Variants in KMT5B observed in about 807,000 individuals in gnomAD.
KMT5B encodes the protein lysine methyltransferase 5B, also known as histone-lysine N-methyltransferase KMT5B.
KMT5B carries 10 observed loss-of-function variants against 83.2 expected under a neutral mutation model. That is an observed-to-expected ratio of 0.12 (90% CI 0.07 to 0.20). The LOEUF is 0.20. KMT5B is among the 10% of genes least tolerant of loss of function. KMT5B has a pLI of 1.00. For missense variants in KMT5B, 753 were observed against 1,067.2 expected, an observed-to-expected ratio of 0.71 and a Z score of 4.10; for synonymous variants, 349 against 388.8, an observed-to-expected ratio of 0.90 and a Z score of 1.20.
At chr11:68,180,654 C>T (rs1197368550) in intron 3 of KMT5B, among the ~76,000 whole-genome samples, 1 of 152,112 alleles carries the variant, frequency 6.6e-6, no homozygotes, top group Non-Finnish European at 1.5e-5. Flanking sequence ...AAGTGACTCC[C>T]CTGATGTTTA....
chr11:68,164,307 T>C (rs1855121695), intron 10 of KMT5B, among the ~76,000 whole-genome samples: 1 of 152,180 alleles, frequency 6.6e-6, no homozygotes. Context: ...AGCTGCTAAA[T>C]TCTAAACGAA....
At chr11:68,201,918 C>CAAA (rs779662280) in intron 1 of KMT5B, among the ~76,000 whole-genome samples, 2 of 82,930 alleles carry the variant, frequency 2.4e-5, no homozygotes, top group East Asian at 3.3e-4. Flanking sequence ...CAGTCTCTAC[C>CAAA]AAAAAAAAAA....
chr11:68,176,366 G>A (rs1247810520), intron 4 of KMT5B, among the ~76,000 whole-genome samples: 1 of 152,106 alleles, frequency 6.6e-6, no homozygotes, highest in Non-Finnish European at 1.5e-5. Context: ...AGTAAAACGT[G>A]TACTATAAAG....
At chr11:68,210,375 A>G (rs1860749703) in intron 1 of KMT5B, among the ~76,000 whole-genome samples, 1 of 152,212 alleles carries the variant, frequency 6.6e-6, no homozygotes, top group South Asian at 2.1e-4. Flanking sequence ...GTGATTAGAG[A>G]GATGTCAAAA....
At chr11:68,166,424 G>A (rs1216005814) in intron 10 of KMT5B, 3 of 1,012,680 alleles carry the variant, frequency 3.0e-6, no homozygotes, top group Admixed American at 1.1e-4. Flanking sequence ...AATACAGCAT[G>A]TCACAATACG....
In KMT5B at chr11:68,158,863, C is replaced by G. The variant is rs369219636; in HGVS notation, c.1483G>C (p.Glu495Gln). The part of the protein sequence containing the change: ...YKNLPIKKDK[E>Q]PEGPAQAAVA... ...GCGGCTTGGGCTGGTCCCTCTGGCT[C>G]CTTATCTTTTTTAATGGGCAAATTT... The change falls in exon 11 of 11, where the codon GAG (glutamate) becomes CAG (glutamine). Residue 495 changes from glutamate to glutamine, a missense_variant. Transcript: ENST00000304363. 8 of 1,614,088 alleles carry G rather than the reference C, an allele frequency of 5.0e-6. No homozygotes were observed. Among genetic ancestry groups the G allele is most frequent in the Non-Finnish European group, 5.9e-6 (7 of 1,180,040 alleles).
chr11:68,156,481 T>C lies in KMT5B; in HGVS notation c.*1207A>G, dbSNP rs1477905715. On this transcript the variant is annotated 3_prime_UTR_variant, in exon 11 of 11. Coordinates refer to ENST00000304363, the MANE Select transcript of KMT5B (RefSeq NM_017635.5). ...TATAGTCAAAAAAATCTTTGATGTT[T>C]TCATAATAAACTAACATAAACTAAC... is the stretch of plus-strand genomic sequence containing the variant. 6.6e-6 allele frequency: 1 copy of C among 152,668 alleles called. No individual in the cohort carries two copies. The highest frequency in any genetic ancestry group is 2.4e-5 in the African/African-American group (1 of 41,462). 9.5% of individuals were successfully genotyped at this position (152,668 alleles called of 1,614,324 possible). A position where few individuals can be genotyped will look rare whatever the true frequency, so the allele number is the denominator to read the frequency against.
chr11:68,180,618 G>A (rs977213421), intron 3 of KMT5B, among the ~76,000 whole-genome samples: 1 of 152,136 alleles, frequency 6.6e-6, no homozygotes, highest in Non-Finnish European at 1.5e-5. Context: ...ACCAAGAAAA[G>A]TTGAAAAGAG....
At chr11:68,212,439 G>C (rs939604629) in intron 1 of KMT5B, among the ~76,000 whole-genome samples, 1 of 152,224 alleles carries the variant, frequency 6.6e-6, no homozygotes, top group Non-Finnish European at 1.5e-5. Flanking sequence ...TACTGTTCCA[G>C]ACCCGGGTCC....
At chr11:68,179,966 G>A in intron 4 of KMT5B, 166 bp downstream of exon 4, 2 of 744,354 alleles carry the variant, frequency 2.7e-6, no homozygotes, top group South Asian at 2.1e-5. Context: ...AAGTACAAGT[G>A]GTTTTTTAAA....
chr11:68,188,810 C>G (rs1457321051), intron 2 of KMT5B, among the ~76,000 whole-genome samples: 1 of 152,156 alleles, frequency 6.6e-6, no homozygotes, highest in Non-Finnish European at 1.5e-5. Context: ...GATGTGATCA[C>G]TATATTTCTC....
In KMT5B at chr11:68,171,763, C is replaced by G; in HGVS notation, c.654-54G>C. 2 of 1,345,080 alleles carry G rather than the reference C, an allele frequency of 1.5e-6. No individual in the cohort carries two copies. Among genetic ancestry groups the G allele is most frequent in the Non-Finnish European group, 2.1e-6 (2 of 963,390 alleles). The allele number at this position is 1,345,080 out of a possible 1,614,324, so 83.3% of individuals were successfully genotyped here. On this transcript the variant is annotated intron_variant, in intron 6 of 10. Coordinates refer to ENST00000304363, the MANE Select transcript of KMT5B (RefSeq NM_017635.5). This position sits in a 1 kb window ranked among gnomAD's most constrained non-coding sequence, Gnocchi z 5.1. ...TTACTAGTAATTAAATATAGTAAGGCTTCTTTTAATAAAATAATCCTGACA... is the reference window on the plus strand; with the variant it reads ...TTACTAGTAATTAAATATAGTAAGGGTTCTTTTAATAAAATAATCCTGACA...
At chr11:68,192,038 G>GT (rs758080456) in intron 1 of KMT5B, among the ~76,000 whole-genome samples, 7 of 152,200 alleles carry the variant, frequency 4.6e-5, no homozygotes, top group Non-Finnish European at 8.8e-5. Flanking sequence ...AGTCAGTACA[G>GT]TAACAAGCTG....
chr11:68,175,283 G>A, intron 4 of KMT5B, 100 bp from the exon 5 acceptor site: 1 of 861,312 alleles, frequency 1.2e-6, no homozygotes, highest in Non-Finnish European at 1.8e-6. Flanking sequence ...CCTAAAAACA[G>A]CCATGGTTAT....
chr11:68,158,950 C>T lies in KMT5B; in HGVS notation c.1396G>A (p.Ala466Thr), dbSNP rs370300034. ...NHCKRLEQKN[A>T]SRKLEMGNLV... is the part of the protein sequence containing the mutation. Reference sequence around the variant, plus strand: ...TTTCCCATTTCGAGTTTTCTTGAAGCATTCTTTTGCTCCAGCCGCTTGCAA... The same window carrying T: ...TTTCCCATTTCGAGTTTTCTTGAAGTATTCTTTTGCTCCAGCCGCTTGCAA... The change falls in exon 11 of 11, where the codon GCT becomes ACT. Residue 466 changes from alanine (A) to threonine (T), a missense_variant. Coordinates refer to ENST00000304363, the MANE Select transcript of KMT5B (RefSeq NM_017635.5). 3.1e-6 allele frequency: 5 copies of T among 1,613,510 alleles called. No individual in the cohort carries two copies. The African/African-American group carries it at 6.7e-5, about 22-fold the overall frequency.
At chr11:68,213,450 C>G (rs1162742965), upstream of KMT5B, 1 of 147,324 alleles carries the variant, frequency 6.8e-6, no homozygotes, top group Non-Finnish European at 1.5e-5. Context: ...GGCGCCCGCC[C>G]CCGCGCCCCG....
chr11:68,205,415 C>G (rs1209269310), intron 1 of KMT5B, among the ~76,000 whole-genome samples: 1 of 152,142 alleles, frequency 6.6e-6, no homozygotes, highest in African/African-American at 2.4e-5. Flanking sequence ...GAAAATAGAG[C>G]CAGCCTCTTA....
chr11:68,190,519 C>T (rs1315861852), intron 1 of KMT5B, among the ~76,000 whole-genome samples: 2 of 152,186 alleles, frequency 1.3e-5, no homozygotes, highest in Non-Finnish European at 2.9e-5. Flanking sequence ...TCCATGCATG[C>T]TACTGCCCCT....
At chr11:68,202,222 G>A (rs1420938538) in intron 1 of KMT5B, among the ~76,000 whole-genome samples, 1 of 152,186 alleles carries the variant, frequency 6.6e-6, no homozygotes, top group African/African-American at 2.4e-5. Context: ...GATTACAATG[G>A]AGAATGACAT....
Sources: gnomAD v4.1 joint callset for allele counts (sites outside exome capture counted in the v4.1 genomes callset) on GRCh38, gnomAD v4.1.1 for gene constraint, Gnocchi (gnomAD v3.1) non-coding constraint, MANE v1.5 for transcripts, NCBI Gene and HGNC (gene_info 2026-07-23, HGNC 2026-07-21) for gene names.